TENM2: variants seen among roughly 807,000 people sequenced by gnomAD.
The protein encoded by TENM2 is teneurin transmembrane protein 2.
A neutral mutation model predicts 245.2 loss-of-function variants in TENM2; 52 were observed. That is an observed-to-expected ratio of 0.21 (90% CI 0.17 to 0.27). TENM2 has a LOEUF of 0.27. TENM2 is among the 10% of genes least tolerant of loss of function. The probability of loss-of-function intolerance (pLI) is 1.00; values close to 1 mark genes in which losing one functional copy is unlikely to be tolerated. For missense variants in TENM2, 3,046 were observed against 3,666.8 expected, an observed-to-expected ratio of 0.83 and a Z score of 4.37; for synonymous variants, 1,363 against 1,438.9, an observed-to-expected ratio of 0.95 and a Z score of 1.19.
chr5:167,431,857 A>G (rs1561949983), intron 2 of TENM2, among the ~76,000 whole-genome samples: 1 of 149,216 alleles, frequency 6.7e-6, no homozygotes, highest in Non-Finnish European at 1.5e-5. Context: ...TTATGTATTT[A>G]CAGTGAGAAT....
At chr5:167,344,745 G>A (rs1758355809) in intron 1 of TENM2, among the ~76,000 whole-genome samples, 1 of 152,148 alleles carries the variant, frequency 6.6e-6, no homozygotes, top group African/African-American at 2.4e-5. Context: ...CACCATGGAA[G>A]CTAGGGCACA....
chr5:167,258,776 A>G, the TENM2 span, among the ~76,000 whole-genome samples: 2 of 152,080 alleles, frequency 1.3e-5, no homozygotes, highest in Admixed American at 1.3e-4. Context: ...AATACAGAAA[A>G]CCTGGGAGAA....
intron 12 of TENM2, among the ~76,000 whole-genome samples, chr5:168,136,108 G>A (rs1231415397): frequency 6.6e-6 from 1 of 152,136 alleles, no homozygotes; most frequent in Admixed American, 6.6e-5. Context: ...CCGAGCTGGG[G>A]TAAGAGTCAA....
chr5:167,486,847 T>G (rs1457414090), intron 2 of TENM2, among the ~76,000 whole-genome samples: 1 of 152,192 alleles, frequency 6.6e-6, no homozygotes. Flanking sequence ...GGACCAAATC[T>G]GTGTTCCATG....
chr5:167,349,252 A>G (rs994084451), intron 1 of TENM2, among the ~76,000 whole-genome samples: 3 of 152,150 alleles, frequency 2.0e-5, no homozygotes, highest in African/African-American at 4.8e-5. Flanking sequence ...CATCTAATAG[A>G]TCTAGGTGTA....
intron 2 of TENM2, among the ~76,000 whole-genome samples, chr5:167,777,503 C>A (rs765124219): frequency 1.5e-4 from 23 of 152,130 alleles, no homozygotes; most frequent in Non-Finnish European, 3.2e-4. Context: ...TATTTGTTAG[C>A]AATGCTCTCT....
intron 4 of TENM2, among the ~76,000 whole-genome samples, chr5:167,960,996 G>A (rs530527397): frequency 5.3e-5 from 8 of 152,288 alleles, no homozygotes; most frequent in South Asian, 2.1e-4. Context: ...GCGACGCCCC[G>A]CCCTGCTTCA....
the TENM2 span, among the ~76,000 whole-genome samples, chr5:167,239,785 A>C: frequency 6.6e-6 from 1 of 152,178 alleles, no homozygotes; most frequent in Admixed American, 6.5e-5. Flanking sequence ...TTATTTATTT[A>C]TTTTGAGATG....
At chr5:168,216,796 G>A in exon 22 of TENM2, 2 of 1,613,962 alleles carry the variant, frequency 1.2e-6, no homozygotes, top group Non-Finnish European at 8.5e-7. Context: ...ATGGGCTCAT[G>A]TACTTTGTCG....
the TENM2 span, among the ~76,000 whole-genome samples, chr5:167,014,501 G>A: frequency 6.6e-6 from 1 of 152,130 alleles, no homozygotes; most frequent in South Asian, 2.1e-4. Context: ...GATCGTGTTG[G>A]CAGGTCTATA....
At chr5:168,052,084 A>T (rs996998715) in intron 6 of TENM2, among the ~76,000 whole-genome samples, 28 of 151,716 alleles carry the variant, frequency 1.8e-4, no homozygotes, top group Admixed American at 1.4e-3. Context: ...ACAAAGTGAG[A>T]CCTCATCCCT....
At chr5:168,006,938 A>T (rs1216652193) in intron 5 of TENM2, among the ~76,000 whole-genome samples, 1 of 152,208 alleles carries the variant, frequency 6.6e-6, no homozygotes, top group African/African-American at 2.4e-5. Flanking sequence ...TGAAGAAATC[A>T]GGATGGTTTG....
chr5:167,783,887 G>T (rs1764381044), intron 2 of TENM2, among the ~76,000 whole-genome samples: 2 of 151,964 alleles, frequency 1.3e-5, no homozygotes. Flanking sequence ...CTTGACCAGG[G>T]CCTTGGTCAA....
chr5:167,955,159 G>C (rs1258953220), intron 4 of TENM2, among the ~76,000 whole-genome samples: 1 of 152,054 alleles, frequency 6.6e-6, no homozygotes, highest in African/African-American at 2.4e-5. Flanking sequence ...GATCGCCATT[G>C]TAACTGGCAT....
chr5:168,051,786 A>G (rs975822574), intron 6 of TENM2, among the ~76,000 whole-genome samples: 2 of 152,242 alleles, frequency 1.3e-5, no homozygotes, highest in Non-Finnish European at 2.9e-5. Flanking sequence ...ACTCCCTCAT[A>G]AGCTTGCTGT....
intron 2 of TENM2, among the ~76,000 whole-genome samples, chr5:167,663,177 AGAGAGAG>A (rs1561650074): frequency 1.1e-3 from 169 of 148,810 alleles, no homozygotes; most frequent in African/African-American, 4.1e-3. Context: ...AGAGAGAGAG[AGAGAGAG>A]AGAAAGAGAG....
chr5:168,012,465 A>G (rs1248578145), intron 5 of TENM2, among the ~76,000 whole-genome samples: 1 of 151,964 alleles, frequency 6.6e-6, no homozygotes, highest in Non-Finnish European at 1.5e-5. Flanking sequence ...CAACATAATG[A>G]GACCCCTGTC....
the TENM2 span, among the ~76,000 whole-genome samples, chr5:167,101,855 A>ATGCACT: frequency 8.1e-6 from 1 of 123,978 alleles, no homozygotes; most frequent in East Asian, 2.5e-4. Flanking sequence ...ATATTTATAT[A>ATGCACT]TATATATATA....
At chr5:167,163,269 T>G in the TENM2 span, among the ~76,000 whole-genome samples, 1 of 152,236 alleles carries the variant, frequency 6.6e-6, no homozygotes, top group African/African-American at 2.4e-5. Context: ...GCCTGGCTTT[T>G]GTTGTGGTGA....
Sources: gnomAD v4.1 joint callset for allele counts (sites outside exome capture counted in the v4.1 genomes callset) on GRCh38, gnomAD v4.1.1 for gene constraint, MANE v1.5 for transcripts, NCBI Gene and HGNC (gene_info 2026-07-23, HGNC 2026-07-21) for gene names.